JAKMIP2: variants seen among roughly 807,000 people sequenced by gnomAD.
The protein encoded by JAKMIP2 is janus kinase and microtubule interacting protein 2.
In JAKMIP2, 25 loss-of-function variants were observed where a neutral mutation model predicts 115.0. The observed-to-expected ratio is 0.22, with a 90% CI of 0.16 to 0.30. The LOEUF is 0.30. Among genes scored for constraint, JAKMIP2 ranks in the 10% least tolerant of loss-of-function variants. JAKMIP2 has a pLI of 1.00. For synonymous variants in JAKMIP2, 334 were observed against 343.6 expected, an observed-to-expected ratio of 0.97 and a Z score of 0.31; for missense variants, 642 against 957.6, an observed-to-expected ratio of 0.67 and a Z score of 4.35.
intron 1 of JAKMIP2, among the ~76,000 whole-genome samples, chr5:147,686,899 T>A (rs1355754889): frequency 6.6e-6 from 1 of 152,230 alleles, no homozygotes; most frequent in African/African-American, 2.4e-5. Flanking sequence ...TTTCTCATTT[T>A]AAGTTTTAAG....
rs41291411 is a variant in JAKMIP2, at chr5:147,617,739, C to T, written c.2346+172G>A. 6.1e-3 allele frequency among the ~76,000 whole-genome samples: 925 copies of T among 152,326 alleles called. 4 individuals are homozygous for T. Among genetic ancestry groups the T allele is most frequent in the Non-Finnish European group, 8.9e-3 (604 of 68,036 alleles). ...TTCTCAAGATTGAATTATTATAAAA[C>T]TGTCATTTTTGTATGTGCATGAAGG... On this transcript the variant is annotated intron_variant, in intron 19 of 21. Coordinates refer to ENST00000616793, the MANE Select transcript of JAKMIP2 (RefSeq NM_001270941.2).
At chr5:147,675,184 A>G (rs17495840) in intron 1 of JAKMIP2, among the ~76,000 whole-genome samples, 11,682 of 152,210 alleles carry the variant, frequency 0.077, 568 homozygotes, top group Middle Eastern at 0.17. Flanking sequence ...CGGACTTTAT[A>G]TATTTTTAGC....
chr5:147,660,370 T>C, intron 3 of JAKMIP2: 1 of 361,216 alleles, frequency 2.8e-6, no homozygotes. Context: ...ATGGCTCCTG[T>C]TTTAAATGAC....
chr5:147,760,404 GA>G (rs71001455), intron 1 of JAKMIP2, among the ~76,000 whole-genome samples: 120,338 of 135,770 alleles, frequency 0.89, 53,425 homozygotes, highest in Non-Finnish European at 0.93. Context: ...GGCAGTCAGT[GA>G]AAAAAAAAAA....
At chr5:147,769,297 A>G (rs1024029013) in intron 1 of JAKMIP2, among the ~76,000 whole-genome samples, 1 of 152,084 alleles carries the variant, frequency 6.6e-6, no homozygotes, top group Non-Finnish European at 1.5e-5. Flanking sequence ...GAAGAGAAAG[A>G]TTTCATTTCA....
chr5:147,650,946 T>C (rs764757370), intron 3 of JAKMIP2, among the ~76,000 whole-genome samples: 5 of 152,160 alleles, frequency 3.3e-5, no homozygotes, highest in African/African-American at 1.2e-4. Context: ...TTTGGGCAAA[T>C]GGGTATTCAG....
intron 1 of JAKMIP2, among the ~76,000 whole-genome samples, chr5:147,732,368 C>T (rs1753765759): frequency 6.6e-6 from 1 of 152,070 alleles, no homozygotes; most frequent in African/African-American, 2.4e-5. Context: ...ATTTTTGTGC[C>T]CTTCCCCCAT....
rs1758335159 is a variant in JAKMIP2 at position 147,650,337 on chromosome 5, C to T, written c.837+1G>A. The T allele has an allele frequency of 1.3e-6, 2 of 1,596,610 alleles. No homozygotes were observed. Among genetic ancestry groups the T allele is most frequent in the Non-Finnish European group, 1.7e-6 (2 of 1,164,186 alleles). On this transcript the variant is annotated splice_donor_variant, in intron 4 of 21. Coordinates refer to ENST00000616793, the MANE Select transcript of JAKMIP2 (RefSeq NM_001270941.2). LOFTEE classifies it high-confidence loss of function. Reference sequence around the variant, plus strand: ...CTTAACTTCAACTAGAATGGACTTACAGGACTGCTGCAGTGTTCGGAACCA... The same window carrying T: ...CTTAACTTCAACTAGAATGGACTTATAGGACTGCTGCAGTGTTCGGAACCA...
At chr5:147,591,803 T>C (rs1755105105) in intron 21 of JAKMIP2, 117 bp from the exon 22 acceptor site, 2 of 624,394 alleles carry the variant, frequency 3.2e-6, no homozygotes, top group Non-Finnish European at 2.8e-6. Context: ...CTTTGATGTG[T>C]ATGATCTTAT....
chr5:147,606,220 C>T (rs938293561), intron 20 of JAKMIP2, among the ~76,000 whole-genome samples: 1 of 152,060 alleles, frequency 6.6e-6, no homozygotes, highest in Admixed American at 6.5e-5. Context: ...GATTTTGTTG[C>T]CATTGCTTTT....
At chr5:147,628,862 T>G (rs1757229677) in intron 15 of JAKMIP2, 46 bp from the exon 16 acceptor site, 1 of 1,435,084 alleles carries the variant, frequency 7.0e-7, no homozygotes, top group Non-Finnish European at 9.8e-7. Flanking sequence ...CTGACATTAT[T>G]TACCCCAAAG....
chr5:147,677,176 A>G (rs566388471), intron 1 of JAKMIP2, among the ~76,000 whole-genome samples: 1 of 152,272 alleles, frequency 6.6e-6, no homozygotes, highest in East Asian at 1.9e-4. Context: ...TGTAGTACCT[A>G]TGACACTGGA....
At chr5:147,633,656 T>C (rs965098634) in intron 12 of JAKMIP2, among the ~76,000 whole-genome samples, 4 of 151,998 alleles carry the variant, frequency 2.6e-5, no homozygotes, top group Non-Finnish European at 5.9e-5. Context: ...AAATGCACCT[T>C]CCCCTGTAGA....
intron 2 of JAKMIP2, among the ~76,000 whole-genome samples, chr5:147,662,373 C>T (rs936174071): frequency 1.3e-5 from 2 of 152,222 alleles, no homozygotes; most frequent in Non-Finnish European, 2.9e-5. Flanking sequence ...TAAAATATTT[C>T]GAATAAGCTT....
intron 3 of JAKMIP2, among the ~76,000 whole-genome samples, chr5:147,658,763 A>G (rs562601779): frequency 3.9e-5 from 6 of 152,118 alleles, no homozygotes; most frequent in Non-Finnish European, 8.8e-5. Flanking sequence ...GTCTGACCAC[A>G]GCCGCTTTGC....
chr5:147,782,555 A>G lies in JAKMIP2; in HGVS notation c.-248T>C. On this transcript the variant is annotated 5_prime_UTR_variant, in exon 1 of 22. Coordinates refer to ENST00000616793, the MANE Select transcript of JAKMIP2 (RefSeq NM_001270941.2). The stretch of plus-strand genomic sequence containing the variant: ...GGATGCAGCCTCCGAACCCAACATC[A>G]GCAGTGGCTGCCGGTTTTTTTTTTC... 1 of 1,322,738 alleles carries G rather than the reference A, an allele frequency of 7.6e-7. No individual in the cohort carries two copies. 81.9% of individuals were successfully genotyped at this position (1,322,738 alleles called of 1,614,324 possible).
At chr5:147,720,515 T>C (rs1431451704) in intron 1 of JAKMIP2, among the ~76,000 whole-genome samples, 1 of 148,956 alleles carries the variant, frequency 6.7e-6, no homozygotes, top group Non-Finnish European at 1.5e-5. Context: ...TCTTTTCACA[T>C]AGTCCCATAT....
rs184896570 is a variant in JAKMIP2, at chr5:147,777,419, A to G, written c.-149+5037T>C. Among the ~76,000 whole-genome samples, 3 of 152,326 alleles carry G rather than the reference A, an allele frequency of 2.0e-5. No homozygotes were observed. The East Asian group carries it at 5.8e-4, about 29-fold the overall frequency. On this transcript the variant is annotated intron_variant, in intron 1 of 21. Coordinates refer to ENST00000616793, the MANE Select transcript of JAKMIP2 (RefSeq NM_001270941.2). Reference sequence around the variant, plus strand: ...GGCCACTATACATAAAGCAGAAGCAATATAAAACAATGCATACAGTATGGT... The same window carrying G: ...GGCCACTATACATAAAGCAGAAGCAGTATAAAACAATGCATACAGTATGGT...
Position 147,628,738 on chromosome 5 carries a change from T to C in JAKMIP2, c.1995+13A>G, listed in dbSNP as rs1307829050. ...ACACCGAGATGATTTGAAATGTTTG[T>C]ACGGCTCATTACCTTCTCTGCCAGG... On this transcript the variant is annotated intron_variant, in intron 16 of 21. Transcript: ENST00000616793. 1 of 1,606,462 alleles carries C rather than the reference T, an allele frequency of 6.2e-7. No homozygotes were observed. Among genetic ancestry groups the C allele is most frequent in the Non-Finnish European group, 8.5e-7 (1 of 1,173,390 alleles).
Sources: gnomAD v4.1 joint callset for allele counts (sites outside exome capture counted in the v4.1 genomes callset) on GRCh38, gnomAD v4.1.1 for gene constraint, MANE v1.5 for transcripts, NCBI Gene and HGNC (gene_info 2026-07-23, HGNC 2026-07-21) for gene names.